GDF15: variants seen among roughly 807,000 people sequenced by gnomAD.
The protein encoded by GDF15 is growth differentiation factor 15.
In GDF15, 10 loss-of-function variants were observed where a neutral mutation model predicts 8.9. The observed-to-expected ratio is 1.12, with a 90% CI of 0.69 to 1.90. The LOEUF (loss-of-function observed/expected upper bound fraction) is 1.90. Among genes scored for constraint, GDF15 ranks in the 40% most tolerant of loss-of-function variants. The probability of loss-of-function intolerance (pLI) is 0.00; values close to 1 mark genes in which losing one functional copy is unlikely to be tolerated. For missense variants in GDF15, 452 were observed against 434.2 expected, an observed-to-expected ratio of 1.04 and a Z score of -0.36; for synonymous variants, 228 against 210.6, an observed-to-expected ratio of 1.08 and a Z score of -0.72.
In GDF15 at chr19:18,388,430, T is replaced by A. The variant is rs1169563590; in HGVS notation, c.422T>A (p.Leu141Gln). ...ASRSWDVTRP[L>Q]RRQLSLARPQ... ...AGGTCGTGGGACGTGACACGACCGC[T>A]GCGGCGTCAGCTCAGCCTTGCAAGA... The change falls in exon 2 of 2, where the codon CTG becomes CAG. Residue 141 changes from leucine (L) to glutamine (Q), a missense_variant. By Grantham distance (113) the Leu-to-Gln change is moderately radical (BLOSUM62 -2). Transcript: ENST00000252809. The surrounding 1 kb of genome is among the most constrained non-coding windows in gnomAD (Gnocchi z 4.2). 1 of 1,610,292 alleles carries A rather than the reference T, an allele frequency of 6.2e-7. No individual in the cohort carries two copies. The highest frequency in any genetic ancestry group is 8.5e-7 in the Non-Finnish European group (1 of 1,179,260).
chr19:18,388,575 CA>C lies in GDF15; in HGVS notation c.568del (p.Arg190GlyfsTer48), dbSNP rs767520639. On this transcript the variant is annotated frameshift_variant, in exon 2 of 2. Coordinates refer to ENST00000252809, the MANE Select transcript of GDF15 (RefSeq NM_004864.4). LOFTEE classifies it low-confidence loss of function (END_TRUNC). This position sits in a 1 kb window ranked among gnomAD's most constrained non-coding sequence, Gnocchi z 4.2. ...AGTTGCACTTGCGGCCGCAAGCCGC[CA>C]GGGGGCGCCGCAGAGCGCGTGCGCG... ...LELHLRPQAA[R>X]GRRRARARNG... 89 of 1,599,950 alleles carry C rather than the reference CA, an allele frequency of 5.6e-5. No individual in the cohort carries two copies. Among genetic ancestry groups the C allele is most frequent in the Non-Finnish European group, 6.1e-5 (72 of 1,176,510 alleles).
rs538473844 is a variant in GDF15 at position 18,387,813 on chromosome 19, C to CTTTTTTTTTTTTTTTTTTTTT, written c.278-467_278-447dup. On this transcript the variant is annotated intron_variant, in intron 1 of 1. Transcript: ENST00000252809. ...CAGGAGATTCAAGGGGAGAAATGCC[C>CTTTTTTTTTTTTTTTTTTTTT]TTTTTTTTTTTTTTTTTTTTTTTTT... Among the ~76,000 whole-genome samples the CTTTTTTTTTTTTTTTTTTTTT allele has an allele frequency of 1.9e-3, 135 of 70,320 alleles. 18 individuals are homozygous for CTTTTTTTTTTTTTTTTTTTTT. Among genetic ancestry groups the CTTTTTTTTTTTTTTTTTTTTT allele is most frequent in the East Asian group, 2.9e-3 (7 of 2,442 alleles). 46.1% of individuals were successfully genotyped at this position (70,320 alleles called of 152,430 possible).
chr19:18,388,623 C>A lies in GDF15; in HGVS notation c.615C>A (p.Leu205=). ...CGCGCAACGGGGACCACTGTCCGCT[C>A]GGGCCCGGGCGTTGCTGCCGTCTGC... ...ARARNGDHCP[L]GPGRCCRLHT... The change falls in exon 2 of 2, where the codon CTC becomes CTA. Residue 205 remains leucine, a synonymous_variant. Coordinates refer to ENST00000252809, the MANE Select transcript of GDF15 (RefSeq NM_004864.4). The surrounding 1 kb of genome is among the most constrained non-coding windows in gnomAD (Gnocchi z 4.2). The A allele has an allele frequency of 6.3e-7, 1 of 1,597,386 alleles. No individual in the cohort carries two copies. The highest frequency in any genetic ancestry group is 1.7e-4 in the Middle Eastern group (1 of 5,986).
chr19:18,387,947 G>A (rs549750462), intron 1 of GDF15, among the ~76,000 whole-genome samples: 41 of 150,004 alleles, frequency 2.7e-4, no homozygotes, highest in African/African-American at 9.3e-4. Flanking sequence ...TCAGCCTCCC[G>A]AGTAGCTGGG....
Position 18,388,745 on chromosome 19 carries a change from GC to G in GDF15, c.739del (p.Gln247SerfsTer18). 1 of 1,609,390 alleles carries G rather than the reference GC, an allele frequency of 6.2e-7. No homozygotes were observed. The highest frequency in any genetic ancestry group is 8.5e-7 in the Non-Finnish European group (1 of 1,179,502). ...ACCATGTGCATCGGCGCGTGCCCGA[GC>G]CAGTTCCGGGCGGCAAACATGCACG... ...QVTMCIGACPSQFRAANMHAQ... is the reference protein window; with the variant it reads ...QVTMCIGACPXQFRAANMHAQ... On this transcript the variant is annotated frameshift_variant, in exon 2 of 2. Transcript: ENST00000252809. LOFTEE classifies it low-confidence loss of function (END_TRUNC). The surrounding 1 kb of genome is among the most constrained non-coding windows in gnomAD (Gnocchi z 4.2).
Position 18,388,899 on chromosome 19 carries a change from T to G in GDF15, c.891T>G (p.Tyr297Ter), listed in dbSNP as rs1398024462. ...KTDTGVSLQT[Y>*]DDLLAKDCHC... ...ACACCGGGGTGTCGCTCCAGACCTA[T>G]GATGACTTGTTAGCCAAAGACTGCC... The change falls in exon 2 of 2, where the codon TAT (tyrosine) becomes TAG (stop). Residue 297 changes from tyrosine (Y) to a stop codon, truncating the protein, a stop_gained. Coordinates refer to ENST00000252809, the MANE Select transcript of GDF15 (RefSeq NM_004864.4). LOFTEE classifies it high-confidence loss of function. This position sits in a 1 kb window ranked among gnomAD's most constrained non-coding sequence, Gnocchi z 4.2. The G allele has an allele frequency of 6.2e-7, 1 of 1,610,374 alleles. No homozygotes were observed. Among genetic ancestry groups the G allele is most frequent in the African/African-American group, 1.3e-5 (1 of 74,896 alleles).
chr19:18,388,285 G>C lies in GDF15; in HGVS notation c.278-1G>C. ...CAGCTTCCCTATCTGTCTTCCCACA[G>C]TGCGGCTGGGATCCGGCGGCCACCT... On this transcript the variant is annotated splice_acceptor_variant, in intron 1 of 1. Coordinates refer to ENST00000252809, the MANE Select transcript of GDF15 (RefSeq NM_004864.4). LOFTEE classifies it high-confidence loss of function. The surrounding 1 kb of genome is among the most constrained non-coding windows in gnomAD (Gnocchi z 4.2). 1 of 1,610,264 alleles carries C rather than the reference G, an allele frequency of 6.2e-7. No homozygotes were observed. Among genetic ancestry groups the C allele is most frequent in the South Asian group, 1.1e-5 (1 of 90,844 alleles).
chr19:18,388,319 G>A lies in GDF15; in HGVS notation c.311G>A (p.Arg104His), dbSNP rs758627025. Residue 104 changes from arginine (R) to histidine (H), a missense_variant, in exon 2 of 2, where the codon CGT becomes CAT. Arg to His is a conservative substitution (Grantham distance 29). Coordinates refer to ENST00000252809, the MANE Select transcript of GDF15 (RefSeq NM_004864.4). This position sits in a 1 kb window ranked among gnomAD's most constrained non-coding sequence, Gnocchi z 4.2. The stretch of plus-strand genomic sequence containing the variant: ...GGATCCGGCGGCCACCTGCACCTGC[G>A]TATCTCTCGGGCCGCCCTTCCCGAG... ...RLGSGGHLHL[R>H]ISRAALPEGL... 3 of 1,610,780 alleles carry A rather than the reference G, an allele frequency of 1.9e-6. No homozygotes were observed. The highest frequency in any genetic ancestry group is 2.5e-6 in the Non-Finnish European group (3 of 1,179,816).
In GDF15 at chr19:18,386,471, G is replaced by A. The variant is rs200179968; in HGVS notation, c.277+5G>A. On this transcript the variant is annotated splice_donor_5th_base_variant and intron_variant, in intron 1 of 1. Coordinates refer to ENST00000252809, the MANE Select transcript of GDF15 (RefSeq NM_004864.4). ...TCCGGATACTCACGCCAGAAGGTAA[G>A]TGAAATCTTAGAGATCCCCTCCCAC... is the stretch of plus-strand genomic sequence containing the variant. 8 of 1,606,482 alleles carry A rather than the reference G, an allele frequency of 5.0e-6. No individual in the cohort carries two copies. In the Admixed American group the frequency reaches 1.0e-4, roughly 20 times the overall value.
In GDF15 at chr19:18,388,628, C is replaced by T. The variant is rs769279586; in HGVS notation, c.620C>T (p.Pro207Leu). ...ARNGDHCPLG[P>L]GRCCRLHTVR... Reference sequence around the variant, plus strand: ...AACGGGGACCACTGTCCGCTCGGGCCCGGGCGTTGCTGCCGTCTGCACACG... The same window carrying T: ...AACGGGGACCACTGTCCGCTCGGGCTCGGGCGTTGCTGCCGTCTGCACACG... The change falls in exon 2 of 2, where the codon CCC becomes CTC. Residue 207 changes from proline (P) to leucine (L), a missense_variant. Transcript: ENST00000252809. The surrounding 1 kb of genome is among the most constrained non-coding windows in gnomAD (Gnocchi z 4.2). The T allele has an allele frequency of 6.3e-7, 1 of 1,598,500 alleles. No individual in the cohort carries two copies. The highest frequency in any genetic ancestry group is 8.5e-7 in the Non-Finnish European group (1 of 1,175,294).
At chr19:18,386,841 T>G in intron 1 of GDF15, 1 of 223,774 alleles carries the variant, frequency 4.5e-6, no homozygotes, top group Non-Finnish European at 9.0e-6. Context: ...GGTGCATGGA[T>G]AGAAGTTTGT....
chr19:18,388,163 C>T lies in GDF15; in HGVS notation c.278-123C>T, dbSNP rs1401149494. On this transcript the variant is annotated intron_variant, in intron 1 of 1. Transcript: ENST00000252809. The surrounding 1 kb of genome is among the most constrained non-coding windows in gnomAD (Gnocchi z 4.2). ...GAAATGCTCTTGGTAGGGGAAATAA[C>T]TTGTGCAAAGGCGCCGCCGCCGTGG... 12 of 834,572 alleles carry T rather than the reference C, an allele frequency of 1.4e-5. No homozygotes were observed. Among genetic ancestry groups the T allele is most frequent in the South Asian group, 1.0e-4 (6 of 57,830 alleles). The allele number at this position is 834,572 out of a possible 1,614,324, so 51.7% of individuals were successfully genotyped here. A position where few individuals can be genotyped will look rare whatever the true frequency, so the allele number is the denominator to read the frequency against.
intron 1 of GDF15, chr19:18,386,771 G>T (rs1381046213): frequency 4.7e-6 from 2 of 429,096 alleles, no homozygotes; most frequent in Non-Finnish European, 8.6e-6. Context: ...CGGGCGTGCG[G>T]TGTGGGCATG....
chr19:18,388,666 C>G lies in GDF15; in HGVS notation c.658C>G (p.Leu220Val), dbSNP rs1462402678. 6.2e-7 allele frequency: 1 copy of G among 1,603,546 alleles called. No individual in the cohort carries two copies. Among genetic ancestry groups the G allele is most frequent in the Non-Finnish European group, 8.5e-7 (1 of 1,175,530 alleles). ...CCRLHTVRASLEDLGWADWVL... is the reference protein window; with the variant it reads ...CCRLHTVRASVEDLGWADWVL... ...CCGTCTGCACACGGTCCGCGCGTCG[C>G]TGGAAGACCTGGGCTGGGCCGATTG... The change falls in exon 2 of 2, where the codon CTG becomes GTG. Residue 220 changes from leucine to valine, a missense_variant. Leu to Val is a conservative substitution (Grantham distance 32). Transcript: ENST00000252809. The surrounding 1 kb of genome is among the most constrained non-coding windows in gnomAD (Gnocchi z 4.2).
rs1402906357 is a variant in GDF15 at position 18,388,770 on chromosome 19, C to T, written c.762C>T (p.His254=). 2.5e-6 allele frequency: 4 copies of T among 1,609,920 alleles called. No individual in the cohort carries two copies. The African/African-American group carries it at 4.0e-5, about 16-fold the overall frequency. Residue 254 remains histidine, a synonymous_variant, in exon 2 of 2, where the codon CAC becomes CAT. Transcript: ENST00000252809. This position sits in a 1 kb window ranked among gnomAD's most constrained non-coding sequence, Gnocchi z 4.2. Reference sequence around the variant, plus strand: ...GCCAGTTCCGGGCGGCAAACATGCACGCGCAGATCAAGACGAGCCTGCACC... The same window carrying T: ...GCCAGTTCCGGGCGGCAAACATGCATGCGCAGATCAAGACGAGCCTGCACC... ...CPSQFRAANM[H]AQIKTSLHRL...
intron 1 of GDF15, 33 bp downstream of exon 1, chr19:18,386,499 C>T (rs562981553): frequency 1.3e-6 from 2 of 1,565,360 alleles, no homozygotes; most frequent in Non-Finnish European, 1.8e-6. Flanking sequence ...CCTCCCACCC[C>T]CCAAGCAGCC....
intron 1 of GDF15, among the ~76,000 whole-genome samples, chr19:18,387,869 T>A (rs1971849510): frequency 7.3e-6 from 1 of 137,584 alleles, no homozygotes. Flanking sequence ...TTGCCCAGGC[T>A]GGAGTGCAGT....
chr19:18,386,986 G>A (rs949699239), intron 1 of GDF15: 2 of 168,742 alleles, frequency 1.2e-5, no homozygotes, highest in African/African-American at 4.8e-5. Context: ...CCTCCATGGA[G>A]GCTCCAGGGG....
Position 18,386,316 on chromosome 19 carries a change from C to A in GDF15, c.127C>A (p.Pro43Thr). ...AEASRASFPG[P>T]SELHSEDSRF... ...GGCGAGCCGCGCAAGTTTCCCGGGA[C>A]CCTCAGAGTTGCACTCCGAAGACTC... Residue 43 changes from proline (P) to threonine (T), a missense_variant, in exon 1 of 2, where the codon CCC (proline) becomes ACC (threonine). Physicochemically the swap from Pro to Thr is conservative, Grantham distance 38 (BLOSUM62 -1). Coordinates refer to ENST00000252809, the MANE Select transcript of GDF15 (RefSeq NM_004864.4). The A allele has an allele frequency of 6.2e-7, 1 of 1,614,142 alleles. No individual in the cohort carries two copies. Among genetic ancestry groups the A allele is most frequent in the Non-Finnish European group, 8.5e-7 (1 of 1,180,040 alleles).
Sources: gnomAD v4.1 joint callset for allele counts (sites outside exome capture counted in the v4.1 genomes callset) on GRCh38, gnomAD v4.1.1 for gene constraint, Gnocchi (gnomAD v3.1) non-coding constraint, MANE v1.5 for transcripts, NCBI Gene and HGNC (gene_info 2026-07-23, HGNC 2026-07-21) for gene names.